RSPO3: variants seen among roughly 807,000 people sequenced by gnomAD.
The protein encoded by RSPO3 is R-spondin-3.
RSPO3 carries 17 observed loss-of-function variants against 36.5 expected under a neutral mutation model. That is an observed-to-expected ratio of 0.47 (90% CI 0.32 to 0.70). The LOEUF is 0.70. Among genes scored for constraint, RSPO3 ranks in the 30% least tolerant of loss-of-function variants. The pLI, the probability that RSPO3 is intolerant of heterozygous loss-of-function variation, is 0.04. For missense variants in RSPO3, 294 were observed against 322.5 expected, an observed-to-expected ratio of 0.91 and a Z score of 0.68; for synonymous variants, 108 against 107.0, an observed-to-expected ratio of 1.01 and a Z score of -0.06.
intron 1 of RSPO3, among the ~76,000 whole-genome samples, chr6:127,130,190 G>C (rs1222396650): frequency 6.6e-6 from 1 of 152,114 alleles, no homozygotes; most frequent in Non-Finnish European, 1.5e-5. Flanking sequence ...TAGCACAAAA[G>C]TATTCTTGCT....
intron 1 of RSPO3, among the ~76,000 whole-genome samples, chr6:127,148,185 C>T (rs1774424544): frequency 6.6e-6 from 1 of 151,974 alleles, no homozygotes; most frequent in Non-Finnish European, 1.5e-5. Context: ...AAATTAGAAA[C>T]ATATGCTTAT....
intron 3 of RSPO3, among the ~76,000 whole-genome samples, chr6:127,151,929 G>A (rs1320670009): frequency 6.6e-6 from 1 of 152,092 alleles, no homozygotes; most frequent in Non-Finnish European, 1.5e-5. Context: ...GAATATTCAA[G>A]AGCAGAAATT....
At chr6:127,156,058 A>G (rs1193919108) in intron 4 of RSPO3, among the ~76,000 whole-genome samples, 1 of 152,092 alleles carries the variant, frequency 6.6e-6, no homozygotes, top group Non-Finnish European at 1.5e-5. Context: ...GTGAGCCGCC[A>G]TACCTGGCCA....
chr6:127,192,808 T>C (rs1347828187), intron 4 of RSPO3: 1 of 522,818 alleles, frequency 1.9e-6, no homozygotes. Flanking sequence ...ATATGTCAGA[T>C]TGTCATAACT....
At chr6:127,166,088 T>C (rs1412832426) in intron 4 of RSPO3, among the ~76,000 whole-genome samples, 1 of 152,004 alleles carries the variant, frequency 6.6e-6, no homozygotes, top group Non-Finnish European at 1.5e-5. Flanking sequence ...TTATTTTCTT[T>C]ATAAAAAGCA....
chr6:127,130,965 T>C (rs1240381878), intron 1 of RSPO3, among the ~76,000 whole-genome samples: 2 of 152,052 alleles, frequency 1.3e-5, no homozygotes, highest in African/African-American at 4.8e-5. Flanking sequence ...ATCCTCAAGA[T>C]GGTAACTCTC....
At chr6:127,145,570 G>C (rs556523904) in intron 1 of RSPO3, among the ~76,000 whole-genome samples, 1 of 152,136 alleles carries the variant, frequency 6.6e-6, no homozygotes, top group South Asian at 2.1e-4. Flanking sequence ...TGCACCAGTT[G>C]CATCAAACTC....
intron 4 of RSPO3, among the ~76,000 whole-genome samples, chr6:127,174,840 A>C (rs1302640613): frequency 1.3e-5 from 2 of 151,760 alleles, no homozygotes; most frequent in Non-Finnish European, 2.9e-5. Context: ...AGTACCCATG[A>C]AAGTTTTCTT....
intron 1 of RSPO3, among the ~76,000 whole-genome samples, chr6:127,130,764 A>G (rs1774035329): frequency 6.6e-6 from 1 of 152,102 alleles, no homozygotes; most frequent in South Asian, 2.1e-4. Context: ...CTTGGCCACA[A>G]ACTGAGGACA....
At chr6:127,156,595 T>C (rs1429423131) in intron 4 of RSPO3, among the ~76,000 whole-genome samples, 1 of 152,202 alleles carries the variant, frequency 6.6e-6, no homozygotes, top group Non-Finnish European at 1.5e-5. Flanking sequence ...ATTTCATTCA[T>C]TTACTAGCTT....
intron 1 of RSPO3, among the ~76,000 whole-genome samples, chr6:127,120,777 G>T (rs1465802008): frequency 6.6e-6 from 1 of 152,232 alleles, no homozygotes; most frequent in Non-Finnish European, 1.5e-5. Flanking sequence ...CCGCCTTTAG[G>T]ATCACCTAGC....
At chr6:127,192,543 C>T (rs1775432456) in intron 4 of RSPO3, 1 of 461,480 alleles carries the variant, frequency 2.2e-6, no homozygotes, top group Non-Finnish European at 2.8e-6. Flanking sequence ...GGACAGTGTA[C>T]TTAAATGTTA....
At chr6:127,167,816 T>C (rs992313385) in intron 4 of RSPO3, among the ~76,000 whole-genome samples, 4 of 151,872 alleles carry the variant, frequency 2.6e-5, no homozygotes, top group Non-Finnish European at 5.9e-5. Context: ...AGTGTCCAAG[T>C]GTTCTCATTG....
chr6:127,167,870 T>C (rs1774853536), intron 4 of RSPO3, among the ~76,000 whole-genome samples: 1 of 152,016 alleles, frequency 6.6e-6, no homozygotes, highest in African/African-American at 2.4e-5. Flanking sequence ...GTTTGGTTTT[T>C]TGTCCTCATG....
intron 3 of RSPO3, among the ~76,000 whole-genome samples, chr6:127,151,586 G>A (rs1173493131): frequency 2.0e-5 from 3 of 151,968 alleles, no homozygotes; most frequent in African/African-American, 7.2e-5. Flanking sequence ...CTAAAGGGCT[G>A]GAGTAATAAC....
In RSPO3 at chr6:127,195,233, A is replaced by G. The variant is rs149031674; in HGVS notation, c.635-590A>G. ...TCAGGCTGGAGAGTACAGTGGCGCT[A>G]TCAGGGCTCACTGCAGCCTTGACTT... On this transcript the variant is annotated intron_variant, in intron 4 of 4. Transcript: ENST00000356698. 3.3e-5 allele frequency among the ~76,000 whole-genome samples: 5 copies of G among 152,304 alleles called. No individual in the cohort carries two copies. The East Asian group carries it at 7.7e-4, about 24-fold the overall frequency.
intron 1 of RSPO3, among the ~76,000 whole-genome samples, chr6:127,123,129 G>A (rs182698895): frequency 6.6e-6 from 1 of 152,198 alleles, no homozygotes; most frequent in African/African-American, 2.4e-5. Flanking sequence ...GAATGTACTG[G>A]TCATTGCTCA....
At chr6:127,164,753 C>T (rs975802596) in intron 4 of RSPO3, among the ~76,000 whole-genome samples, 1 of 152,046 alleles carries the variant, frequency 6.6e-6, no homozygotes, top group African/African-American at 2.4e-5. Flanking sequence ...TTAACTCTAA[C>T]CTAATTACTG....
At chr6:127,156,444 C>T (rs1408505449) in intron 4 of RSPO3, among the ~76,000 whole-genome samples, 3 of 152,154 alleles carry the variant, frequency 2.0e-5, no homozygotes, top group African/African-American at 7.2e-5. Flanking sequence ...CCACTTCCTA[C>T]AAATATGTTG....
Sources: gnomAD v4.1 joint callset for allele counts (sites outside exome capture counted in the v4.1 genomes callset) on GRCh38, gnomAD v4.1.1 for gene constraint, MANE v1.5 for transcripts, NCBI Gene and HGNC (gene_info 2026-07-23, HGNC 2026-07-21) for gene names.